Variants in FER1L6 observed in about 807,000 individuals in gnomAD.
The protein encoded by FER1L6 is fer-1-like protein 6.
In FER1L6, 177 loss-of-function variants were observed where a neutral mutation model predicts 219.2. The observed-to-expected ratio is 0.81, with a 90% CI of 0.71 to 0.91. The LOEUF is 0.91. FER1L6 is among the 40% of genes least tolerant of loss of function. The pLI is 0.00. For synonymous variants in FER1L6, 768 were observed against 824.3 expected (o/e 0.93, Z 1.17); for missense variants, 2,153 against 2,259.9 (o/e 0.95, Z 0.96).
At chr8:124,073,702 C>T (rs1370444996) in intron 31 of FER1L6, among the ~76,000 whole-genome samples, 1 of 152,056 alleles carries the variant, frequency 6.6e-6, no homozygotes, top group Non-Finnish European at 1.5e-5. Context: ...AATATTAAGA[C>T]CCTGTTCTAT....
At chr8:123,869,778 A>ATT (rs1816895857) in intron 1 of FER1L6, among the ~76,000 whole-genome samples, 1 of 152,246 alleles carries the variant, frequency 6.6e-6, no homozygotes, top group African/African-American at 2.4e-5. Flanking sequence ...ATTCTACCTG[A>ATT]TTTCAAGACT....
chr8:124,107,245 G>A (rs1400724292), intron 39 of FER1L6, among the ~76,000 whole-genome samples: 4 of 152,122 alleles, frequency 2.6e-5, no homozygotes, highest in East Asian at 3.8e-4. Context: ...ACCGCGCCCG[G>A]CCAAGAGATT....
At chr8:123,932,221 G>A (rs1159043852) in intron 1 of FER1L6, among the ~76,000 whole-genome samples, 2 of 152,216 alleles carry the variant, frequency 1.3e-5, no homozygotes, top group Middle Eastern at 3.4e-3. Context: ...CGATTCTCCT[G>A]CCTCAGCCTC....
At chr8:124,060,841 T>A in intron 24 of FER1L6, 132 bp downstream of exon 24, 1 of 1,022,862 alleles carries the variant, frequency 9.8e-7, no homozygotes, top group Non-Finnish European at 1.4e-6. Flanking sequence ...CAGAATGAGA[T>A]AAAATAGACT....
At chr8:123,990,865 T>C (rs1816822943) in intron 12 of FER1L6, among the ~76,000 whole-genome samples, 1 of 152,218 alleles carries the variant, frequency 6.6e-6, no homozygotes, top group African/African-American at 2.4e-5. Context: ...TAGATTTAAG[T>C]CCTTGATCCA....
rs570477364 is a variant in FER1L6, at chr8:124,095,257, C to T, written c.4695+219C>T. 1.1e-4 allele frequency among the ~76,000 whole-genome samples: 16 copies of T among 152,270 alleles called. 1 individual carries two copies. Among genetic ancestry groups the T allele is most frequent in the African/African-American group, 3.4e-4 (14 of 41,548 alleles). On this transcript the variant is annotated intron_variant, in intron 35 of 40. Transcript: ENST00000522917. ...ATCCTAGAAAACACAAGACAGCTTC[C>T]CTCCAACAGGGAATTATCCAGCCTA...
chr8:123,968,125 C>T (rs1815641091), intron 5 of FER1L6, among the ~76,000 whole-genome samples: 1 of 152,142 alleles, frequency 6.6e-6, no homozygotes, highest in African/African-American at 2.4e-5. Context: ...AATGAAATGT[C>T]AGTACATTTT....
At chr8:124,055,903 G>A (rs1820272093) in intron 22 of FER1L6, among the ~76,000 whole-genome samples, 2 of 151,974 alleles carry the variant, frequency 1.3e-5, no homozygotes, top group Non-Finnish European at 2.9e-5. Flanking sequence ...GCATTCCTTG[G>A]CTGGTGGCCC....
chr8:123,897,280 C>T (rs191293703), intron 1 of FER1L6, among the ~76,000 whole-genome samples: 127 of 152,206 alleles, frequency 8.3e-4, no homozygotes, highest in Non-Finnish European at 1.2e-3. Flanking sequence ...AATTATGTTA[C>T]CCCCTGTTCT....
At position 124,066,478 on chromosome 8, in the gene FER1L6, A is replaced by C. The variant is rs966313095; in HGVS notation, c.3606A>C (p.Ile1202=). 6.2e-7 allele frequency: 1 copy of C among 1,614,122 alleles called. No individual in the cohort carries two copies. Among genetic ancestry groups the C allele is most frequent in the Non-Finnish European group, 8.5e-7 (1 of 1,179,960 alleles). Residue 1202 remains isoleucine, a synonymous_variant, in exon 27 of 41, where the codon ATA becomes ATC. Transcript: ENST00000522917. The stretch of plus-strand genomic sequence containing the variant: ...CCACTAAGAGGAGAAAGAGGACCAT[A>C]GCAGATGAATCTGCTGAAAACGTGA... ...RRSTKRRKRT[I]ADESAENVID...
At chr8:124,087,600 G>A (rs1387198013) in intron 33 of FER1L6, among the ~76,000 whole-genome samples, 2 of 152,128 alleles carry the variant, frequency 1.3e-5, no homozygotes, top group Non-Finnish European at 2.9e-5. Flanking sequence ...CTTTTGGTGA[G>A]ATAATGTTTT....
intron 12 of FER1L6, among the ~76,000 whole-genome samples, chr8:123,990,507 T>C (rs1195971051): frequency 6.6e-6 from 1 of 152,234 alleles, no homozygotes; most frequent in Non-Finnish European, 1.5e-5. Flanking sequence ...ATATGTTTAT[T>C]GGCCATTTGT....
At chr8:124,088,579 A>C (rs796729745) in intron 33 of FER1L6, among the ~76,000 whole-genome samples, 5 of 151,882 alleles carry the variant, frequency 3.3e-5, no homozygotes, top group African/African-American at 1.2e-4. Flanking sequence ...ATCTCTTCCT[A>C]TCACTACCAT....
rs373849461 is a variant in FER1L6 at position 124,070,504 on chromosome 8, T to C, written c.3872T>C (p.Phe1291Ser). The change falls in exon 30 of 41, where the codon TTT becomes TCT. Residue 1291 changes from phenylalanine (F) to serine (S), a missense_variant. Physicochemically the swap from Phe to Ser is radical, Grantham distance 155. Transcript: ENST00000522917. ...DGDLESEFNN[F>S]EDWVKTFELF... The stretch of plus-strand genomic sequence containing the variant: ...GATCTCGAGAGTGAATTCAACAATT[T>C]TGAAGACTGGGTGAAAACTTTTGAG... 23 of 1,613,770 alleles carry C rather than the reference T, an allele frequency of 1.4e-5. 1 individual carries two copies. The highest frequency in any genetic ancestry group is 5.3e-5 in the African/African-American group (4 of 74,924).
intron 1 of FER1L6, among the ~76,000 whole-genome samples, chr8:123,950,112 C>T (rs1282970320): frequency 6.6e-6 from 1 of 152,152 alleles, no homozygotes; most frequent in African/African-American, 2.4e-5. Flanking sequence ...TTCTTCGGCG[C>T]CCAGGCAAGA....
At chr8:123,910,238 T>C (rs1332109134) in intron 1 of FER1L6, among the ~76,000 whole-genome samples, 1 of 152,176 alleles carries the variant, frequency 6.6e-6, no homozygotes, top group Non-Finnish European at 1.5e-5. Context: ...CAAACAGTAA[T>C]GATGATAATC....
intron 1 of FER1L6, 75 bp from the exon 2 acceptor site, chr8:123,955,917 T>G: frequency 7.2e-7 from 1 of 1,392,780 alleles, no homozygotes; most frequent in Middle Eastern, 2.1e-4. Flanking sequence ...CTCGGTGTGT[T>G]TTTGTGTTTA....
At chr8:123,872,964 T>C (rs897837946) in intron 1 of FER1L6, among the ~76,000 whole-genome samples, 4 of 152,218 alleles carry the variant, frequency 2.6e-5, no homozygotes, top group African/African-American at 9.6e-5. Context: ...TCCCTCTGTG[T>C]GGAATTCATT....
At chr8:124,017,998 G>A (rs927530647) in intron 16 of FER1L6, among the ~76,000 whole-genome samples, 18 of 152,306 alleles carry the variant, frequency 1.2e-4, no homozygotes, top group East Asian at 3.9e-4. Flanking sequence ...TGTTAAAGGC[G>A]GTAGACTCGC....
Sources: gnomAD v4.1 joint callset for allele counts (sites outside exome capture counted in the v4.1 genomes callset) on GRCh38, gnomAD v4.1.1 for gene constraint, MANE v1.5 for transcripts, NCBI Gene and HGNC (gene_info 2026-07-23, HGNC 2026-07-21) for gene names.